CADM2: variants seen among roughly 807,000 people sequenced by gnomAD.
CADM2 encodes cell adhesion molecule 2.
In CADM2, 12 loss-of-function variants were observed where a neutral mutation model predicts 49.8. The ratio of observed to expected loss-of-function variants is 0.24; its 90% CI spans 0.15 to 0.39. CADM2 has a LOEUF of 0.39. CADM2 is among the 10% of genes least tolerant of loss of function. The probability of loss-of-function intolerance (pLI) is 1.00; values close to 1 mark genes in which losing one functional copy is unlikely to be tolerated. For missense variants in CADM2, 378 were observed against 492.3 expected (o/e 0.77, Z 2.20); for synonymous variants, 214 against 175.4 (o/e 1.22, Z -1.74).
intron 8 of CADM2, among the ~76,000 whole-genome samples, chr3:86,050,803 G>T (rs769989130): frequency 6.6e-6 from 1 of 152,138 alleles, no homozygotes; most frequent in Non-Finnish European, 1.5e-5. Context: ...GTGTCCCAAG[G>T]TTGCACAGAG....
chr3:85,157,947 A>C (rs2040191510), intron 1 of CADM2, among the ~76,000 whole-genome samples: 1 of 152,116 alleles, frequency 6.6e-6, no homozygotes, highest in African/African-American at 2.4e-5. Flanking sequence ...CTCATCTGAC[A>C]AAGGGCTAAT....
At chr3:85,012,268 T>A (rs2034035009) in intron 1 of CADM2, among the ~76,000 whole-genome samples, 1 of 151,740 alleles carries the variant, frequency 6.6e-6, no homozygotes, top group Non-Finnish European at 1.5e-5. Context: ...GCAGTAAACT[T>A]GAAAGCTTTT....
At chr3:85,538,877 C>T (rs536231132) in intron 1 of CADM2, among the ~76,000 whole-genome samples, 3 of 150,128 alleles carry the variant, frequency 2.0e-5, no homozygotes, top group Non-Finnish European at 4.4e-5. Flanking sequence ...ACTATAATAT[C>T]GTGAGTTGAA....
intron 1 of CADM2, among the ~76,000 whole-genome samples, chr3:85,083,880 A>G (rs2037270171): frequency 6.6e-6 from 1 of 152,152 alleles, no homozygotes; most frequent in Non-Finnish European, 1.5e-5. Flanking sequence ...CAGTGTTAGC[A>G]TTGAATTTAA....
chr3:85,288,615 T>C (rs1559760615), intron 1 of CADM2, among the ~76,000 whole-genome samples: 1 of 152,102 alleles, frequency 6.6e-6, no homozygotes, highest in Non-Finnish European at 1.5e-5. Context: ...AATTGCATGG[T>C]AGGAAAATGG....
At chr3:85,764,990 A>G (rs193281238) in intron 2 of CADM2, among the ~76,000 whole-genome samples, 2 of 152,052 alleles carry the variant, frequency 1.3e-5, no homozygotes, top group African/African-American at 2.4e-5. Context: ...GTTTTTTTCT[A>G]AAGTGCTGCT....
intron 1 of CADM2, among the ~76,000 whole-genome samples, chr3:85,722,308 A>G (rs57815306): frequency 0.011 from 1,727 of 152,236 alleles, 41 homozygotes; most frequent in African/African-American, 0.04. Context: ...TGGCTGCTCC[A>G]CATGGACTGC....
chr3:85,088,504 T>C (rs1163935243), intron 1 of CADM2, among the ~76,000 whole-genome samples: 1 of 152,120 alleles, frequency 6.6e-6, no homozygotes, highest in Non-Finnish European at 1.5e-5. Flanking sequence ...CCACCTTTTA[T>C]TTTTCTGGCA....
intron 1 of CADM2, among the ~76,000 whole-genome samples, chr3:85,646,890 G>A (rs1324567574): frequency 1.3e-5 from 2 of 151,700 alleles, no homozygotes; most frequent in Non-Finnish European, 3.0e-5. Flanking sequence ...TAATTCTTTG[G>A]ACTGTCTTTA....
intron 1 of CADM2, among the ~76,000 whole-genome samples, chr3:85,037,955 C>T (rs1227272786): frequency 1.3e-5 from 2 of 151,668 alleles, no homozygotes; most frequent in African/African-American, 2.4e-5. Flanking sequence ...ATATTAGCCT[C>T]ACTGGTGGCC....
chr3:85,838,890 C>T (rs1453530662), intron 3 of CADM2, among the ~76,000 whole-genome samples: 2 of 151,716 alleles, frequency 1.3e-5, no homozygotes, highest in Non-Finnish European at 2.9e-5. Context: ...TAATAACCTA[C>T]AGCTCAAAAT....
intron 1 of CADM2, among the ~76,000 whole-genome samples, chr3:85,365,374 T>A (rs145754580): frequency 1.1e-3 from 166 of 152,200 alleles, no homozygotes; most frequent in Non-Finnish European, 8.5e-4. Context: ...CAAACGTACT[T>A]GAAGTAAAGA....
At chr3:85,989,622 A>G (rs543919521) in intron 8 of CADM2, among the ~76,000 whole-genome samples, 2 of 152,176 alleles carry the variant, frequency 1.3e-5, no homozygotes, top group African/African-American at 2.4e-5. Context: ...GTGTGCTCCA[A>G]ATATGACACC....
intron 1 of CADM2, among the ~76,000 whole-genome samples, chr3:85,497,223 T>C (rs1424068169): frequency 6.6e-6 from 1 of 152,158 alleles, no homozygotes; most frequent in African/African-American, 2.4e-5. Context: ...AAGTTTCTTA[T>C]AGATTCTGAA....
chr3:85,422,295 T>A (rs2036207210), intron 1 of CADM2, among the ~76,000 whole-genome samples: 1 of 152,186 alleles, frequency 6.6e-6, no homozygotes, highest in African/African-American at 2.4e-5. Flanking sequence ...CAGCCTTTTT[T>A]TTTTGAGACA....
At chr3:85,472,867 G>A (rs777675123) in intron 1 of CADM2, among the ~76,000 whole-genome samples, 4 of 152,048 alleles carry the variant, frequency 2.6e-5, no homozygotes, top group Non-Finnish European at 4.4e-5. Context: ...GAGTGATAGA[G>A]TAACTGGCTT....
rs892435434 is a variant in CADM2 at position 85,013,930 on chromosome 3, G to A, written c.61+54262G>A. Reference sequence around the variant, plus strand: ...GTCCTCAGTACAATATTATATATACGCAGTGTAATAATATTGTATATTATA... The same window carrying A: ...GTCCTCAGTACAATATTATATATACACAGTGTAATAATATTGTATATTATA... On this transcript the variant is annotated intron_variant, in intron 1 of 9. Coordinates refer to ENST00000383699, the MANE Select transcript of CADM2 (RefSeq NM_001167675.2). Among the ~76,000 whole-genome samples, 14 of 143,456 alleles carry A rather than the reference G, an allele frequency of 9.8e-5. 1 individual carries two copies. The highest frequency in any genetic ancestry group is 1.8e-4 in the Non-Finnish European group (12 of 66,124). 94.1% of individuals were successfully genotyped at this position (143,456 alleles called of 152,430 possible).
chr3:85,742,683 T>C (rs2068445449), intron 2 of CADM2, among the ~76,000 whole-genome samples: 1 of 152,248 alleles, frequency 6.6e-6, no homozygotes, highest in Non-Finnish European at 1.5e-5. Flanking sequence ...GCCTGAAATC[T>C]ATCTAAAATT....
At chr3:85,555,918 GA>G (rs1371309822) in intron 1 of CADM2, among the ~76,000 whole-genome samples, 1 of 152,060 alleles carries the variant, frequency 6.6e-6, no homozygotes, top group Non-Finnish European at 1.5e-5. Context: ...AACCTAGAGT[GA>G]GTCATGGAAT....
Sources: gnomAD v4.1 joint callset for allele counts (sites outside exome capture counted in the v4.1 genomes callset) on GRCh38, gnomAD v4.1.1 for gene constraint, MANE v1.5 for transcripts, NCBI Gene and HGNC (gene_info 2026-07-23, HGNC 2026-07-21) for gene names.